The following TAS2R1 variants were observed in gnomAD, a reference collection of about 807,000 sequenced individuals.
TAS2R1 encodes taste 2 receptor member 1, also known as taste receptor type 2 member 1.
For missense variants in TAS2R1, 370 were observed against 353.4 expected, an observed-to-expected ratio of 1.05 and a Z score of -0.38; for synonymous variants, 141 against 134.2, an observed-to-expected ratio of 1.05 and a Z score of -0.35.
At chr5:9,792,808 A>G in the TAS2R1 span, among the ~76,000 whole-genome samples, 2 of 152,200 alleles carry the variant, frequency 1.3e-5, no homozygotes, top group Non-Finnish European at 2.9e-5. Context: ...GAAGAAGAAC[A>G]TGAAGGCCTC....
chr5:9,725,980 T>C, the TAS2R1 span, among the ~76,000 whole-genome samples: 1 of 150,878 alleles, frequency 6.6e-6, no homozygotes, highest in African/African-American at 2.4e-5. Flanking sequence ...ATCGGCACTC[T>C]GTATCTAGCT....
chr5:9,734,927 C>T, the TAS2R1 span, among the ~76,000 whole-genome samples: 2 of 151,416 alleles, frequency 1.3e-5, no homozygotes, highest in African/African-American at 2.5e-5. Context: ...TCTCATACTG[C>T]TATGAAGAAC....
chr5:9,825,577 G>A, the TAS2R1 span, among the ~76,000 whole-genome samples: 4 of 152,006 alleles, frequency 2.6e-5, no homozygotes, highest in African/African-American at 9.7e-5. Flanking sequence ...AGACTATTTG[G>A]TTACCCTAAA....
chr5:9,710,256 C>T (rs975908376), intron 1 of TAS2R1, among the ~76,000 whole-genome samples: 2 of 152,146 alleles, frequency 1.3e-5, no homozygotes, highest in Non-Finnish European at 2.9e-5. Context: ...GTCTCCTTTA[C>T]AAAGAGTATG....
chr5:9,898,253 T>C, the TAS2R1 span, among the ~76,000 whole-genome samples: 8 of 152,138 alleles, frequency 5.3e-5, no homozygotes, highest in Non-Finnish European at 1.0e-4. Flanking sequence ...GACAGTAAAT[T>C]ACTGAGTAGG....
At chr5:9,736,466 C>G in the TAS2R1 span, among the ~76,000 whole-genome samples, 1 of 152,210 alleles carries the variant, frequency 6.6e-6, no homozygotes, top group Non-Finnish European at 1.5e-5. Flanking sequence ...GGATCAACAT[C>G]CCAGCTCCCT....
chr5:9,842,078 G>T, the TAS2R1 span, among the ~76,000 whole-genome samples: 1 of 152,082 alleles, frequency 6.6e-6, no homozygotes, highest in Non-Finnish European at 1.5e-5. Flanking sequence ...TCAAATTCCC[G>T]ACCAGGAAAC....
chr5:9,797,435 T>TG, the TAS2R1 span, among the ~76,000 whole-genome samples: 2 of 152,156 alleles, frequency 1.3e-5, no homozygotes, highest in Non-Finnish European at 2.9e-5. Flanking sequence ...TACCACCTTC[T>TG]CTGAGACACA....
At chr5:9,874,496 G>A in the TAS2R1 span, among the ~76,000 whole-genome samples, 1 of 152,142 alleles carries the variant, frequency 6.6e-6, no homozygotes, top group Non-Finnish European at 1.5e-5. Flanking sequence ...CTCCAGCCAA[G>A]ACTCAGGGAT....
upstream of TAS2R1, among the ~76,000 whole-genome samples, chr5:9,714,914 CTA>C (rs1466327168): frequency 3.3e-5 from 5 of 152,214 alleles, no homozygotes; most frequent in Non-Finnish European, 7.3e-5. Context: ...CATACAGTAT[CTA>C]TATACACACC....
the TAS2R1 span, among the ~76,000 whole-genome samples, chr5:9,818,469 C>A: frequency 6.6e-6 from 1 of 152,190 alleles, no homozygotes; most frequent in African/African-American, 2.4e-5. Context: ...AAGGCAACCA[C>A]CATCCATGTG....
intron 1 of TAS2R1, among the ~76,000 whole-genome samples, chr5:9,660,864 T>TG (rs1371497210): frequency 6.6e-6 from 1 of 152,148 alleles, no homozygotes; most frequent in Admixed American, 6.5e-5. Flanking sequence ...AGGAACCACA[T>TG]GCAAGGATCT....
chr5:9,736,714 C>A, the TAS2R1 span, among the ~76,000 whole-genome samples: 1 of 152,180 alleles, frequency 6.6e-6, no homozygotes, highest in Non-Finnish European at 1.5e-5. Flanking sequence ...ATTAAGTCAG[C>A]ATGCTGTATA....
At chr5:9,690,500 T>C (rs1197034532) in intron 1 of TAS2R1, among the ~76,000 whole-genome samples, 3 of 152,076 alleles carry the variant, frequency 2.0e-5, no homozygotes, top group African/African-American at 7.2e-5. Context: ...AAATATATTT[T>C]CATTAAAATT....
the TAS2R1 span, among the ~76,000 whole-genome samples, chr5:9,745,405 T>C: frequency 6.6e-6 from 1 of 152,098 alleles, no homozygotes; most frequent in Non-Finnish European, 1.5e-5. Context: ...GTCATTAATA[T>C]ATGAATACAA....
the TAS2R1 span, among the ~76,000 whole-genome samples, chr5:9,867,774 T>C: frequency 6.6e-6 from 1 of 152,158 alleles, no homozygotes; most frequent in Non-Finnish European, 1.5e-5. Context: ...CTAAGACAAG[T>C]CAAGTCCCTT....
At chr5:9,711,617 A>G (rs1411301872) in intron 1 of TAS2R1, among the ~76,000 whole-genome samples, 1 of 152,146 alleles carries the variant, frequency 6.6e-6, no homozygotes, top group Admixed American at 6.5e-5. Flanking sequence ...TTACAATACT[A>G]TATTGTATAC....
chr5:9,758,059 G>A, the TAS2R1 span, among the ~76,000 whole-genome samples: 2 of 151,910 alleles, frequency 1.3e-5, no homozygotes, highest in Admixed American at 6.6e-5. Context: ...AGTTTTCAAC[G>A]TAGCAGTTTG....
At chr5:9,805,537 A>C in the TAS2R1 span, among the ~76,000 whole-genome samples, 2 of 152,152 alleles carry the variant, frequency 1.3e-5, no homozygotes, top group Non-Finnish European at 2.9e-5. Context: ...CATATCAAAA[A>C]GATAATCCAC....
Sources: gnomAD v4.1 joint callset for allele counts (sites outside exome capture counted in the v4.1 genomes callset) on GRCh38, gnomAD v4.1.1 for gene constraint, MANE v1.5 for transcripts, NCBI Gene and HGNC (gene_info 2026-07-23, HGNC 2026-07-21) for gene names.